The following PHF20 variants were observed in gnomAD, a reference collection of about 807,000 sequenced individuals.
PHF20 encodes PHD finger protein 20, also known as glioma-expressed antigen 2.
Under a neutral mutation model 113.5 loss-of-function variants are expected in PHF20, and 23 were observed. That is an observed-to-expected ratio of 0.20 (90% CI 0.15 to 0.29). The LOEUF is 0.29. Ranked by LOEUF, PHF20 falls within the 10% of genes least tolerant of loss-of-function variation. The pLI, the probability that PHF20 is intolerant of heterozygous loss-of-function variation, is 1.00. For missense variants in PHF20, 943 were observed against 1,219.6 expected (o/e 0.77, Z 3.38); for synonymous variants, 434 against 457.3 (o/e 0.95, Z 0.65).
intron 1 of PHF20, among the ~76,000 whole-genome samples, chr20:35,781,368 G>A (rs948421680): frequency 3.1e-4 from 46 of 149,080 alleles, no homozygotes; most frequent in Admixed American, 7.3e-4. Flanking sequence ...GTCTCCGCCC[G>A]CCTCAGCCTC....
At chr20:35,868,542 G>A (rs1343484816) in intron 6 of PHF20, among the ~76,000 whole-genome samples, 1 of 152,062 alleles carries the variant, frequency 6.6e-6, no homozygotes, top group African/African-American at 2.4e-5. Flanking sequence ...GGAGGCAGAG[G>A]TAGCAGTGAG....
intron 6 of PHF20, among the ~76,000 whole-genome samples, chr20:35,867,803 C>T (rs1319495341): frequency 5.9e-5 from 9 of 151,984 alleles, no homozygotes; most frequent in Admixed American, 5.9e-4. Context: ...TTCTCCCTTC[C>T]CTTCCTCTTT....
chr20:35,861,004 GTGTC>G (rs1169918610), intron 5 of PHF20, among the ~76,000 whole-genome samples: 1 of 152,178 alleles, frequency 6.6e-6, no homozygotes, highest in Non-Finnish European at 1.5e-5. Context: ...TGGCCTCTGA[GTGTC>G]TGACCTTAGC....
chr20:35,858,558 GC>G (rs1232326401), intron 5 of PHF20, among the ~76,000 whole-genome samples, 177 bp downstream of exon 5: 1 of 152,076 alleles, frequency 6.6e-6, no homozygotes, highest in Non-Finnish European at 1.5e-5. Context: ...TTGTCTCTTT[GC>G]TGTTTCCTAT....
chr20:35,808,600 G>T (rs989408029), intron 2 of PHF20, among the ~76,000 whole-genome samples: 8 of 151,836 alleles, frequency 5.3e-5, no homozygotes, highest in African/African-American at 1.9e-4. Context: ...TTGAGACGGA[G>T]TCTCGCCCTG....
At chr20:35,861,723 G>A (rs1183185047) in intron 5 of PHF20, among the ~76,000 whole-genome samples, 1 of 152,158 alleles carries the variant, frequency 6.6e-6, no homozygotes, top group African/African-American at 2.4e-5. Context: ...GGCAATTTCA[G>A]TTTATATTTC....
intron 17 of PHF20, 146 bp from the exon 18 acceptor site, chr20:35,947,334 TGGCCC>T: frequency 4.6e-6 from 3 of 646,498 alleles, no homozygotes; most frequent in South Asian, 4.9e-5. Context: ...CTGGCTGAAA[TGGCCC>T]TTCCTCCCTT....
intron 10 of PHF20, among the ~76,000 whole-genome samples, chr20:35,907,692 G>T (rs1187144196): frequency 2.6e-5 from 4 of 152,124 alleles, no homozygotes; most frequent in Non-Finnish European, 5.9e-5. Flanking sequence ...ATTCCACTGT[G>T]GTCTCAGAGT....
In PHF20 at chr20:35,858,370, T is replaced by C; in HGVS notation, c.409T>C (p.Ser137Pro). 2 of 1,582,594 alleles carry C rather than the reference T, an allele frequency of 1.3e-6. No individual in the cohort carries two copies. The highest frequency in any genetic ancestry group is 1.3e-5 in the African/African-American group (1 of 74,444). Residue 137 changes from serine to proline, a missense_variant, in exon 5 of 18, where the codon TCC becomes CCC. By Grantham distance (74) the Ser-to-Pro change is moderately conservative. Coordinates refer to ENST00000374012, the MANE Select transcript of PHF20 (RefSeq NM_016436.5). The stretch of plus-strand genomic sequence containing the variant: ...CAAACATATTCATGTCAAAGCTTTT[T>C]CCAAAGATCAGGTGAGAAATGTGGT... ...TVKHIHVKAF[S>P]KDQNIVGNAR...
At chr20:35,863,742 A>G (rs947027087) in intron 6 of PHF20, among the ~76,000 whole-genome samples, 1 of 152,214 alleles carries the variant, frequency 6.6e-6, no homozygotes, top group Non-Finnish European at 1.5e-5. Context: ...AGAATCTAGA[A>G]TCAGGAAATA....
intron 1 of PHF20, among the ~76,000 whole-genome samples, chr20:35,788,660 C>T (rs770933307): frequency 1.3e-5 from 2 of 152,136 alleles, no homozygotes; most frequent in African/African-American, 2.4e-5. Context: ...TCACTGCAAC[C>T]TCCACCTCCC....
intron 9 of PHF20, among the ~76,000 whole-genome samples, chr20:35,892,148 C>T (rs1162637610): frequency 1.3e-5 from 2 of 151,730 alleles, no homozygotes; most frequent in Non-Finnish European, 2.9e-5. Flanking sequence ...ACCTTTGCCT[C>T]CCAGGTTCAA....
chr20:35,798,498 A>G (rs2041713355), intron 1 of PHF20, among the ~76,000 whole-genome samples: 1 of 151,302 alleles, frequency 6.6e-6, no homozygotes, highest in South Asian at 2.1e-4. Context: ...CTTGTTGCCC[A>G]GGCTAGAATG....
chr20:35,861,022 G>A (rs2054209713), intron 5 of PHF20, among the ~76,000 whole-genome samples: 1 of 152,156 alleles, frequency 6.6e-6, no homozygotes, highest in Non-Finnish European at 1.5e-5. Flanking sequence ...CCTTAGCCCG[G>A]TAGGCCCTTA....
At chr20:35,853,276 G>C (rs1190665126) in intron 4 of PHF20, 1 of 151,496 alleles carries the variant, frequency 6.6e-6, no homozygotes, top group Non-Finnish European at 1.5e-5. Flanking sequence ...AAGCAGTTGT[G>C]AGAAGAAAGG....
chr20:35,863,617 T>C (rs1297158878), intron 6 of PHF20, among the ~76,000 whole-genome samples: 1 of 152,258 alleles, frequency 6.6e-6, no homozygotes, highest in Admixed American at 6.5e-5. Context: ...TAACTGAGTT[T>C]GCTAAAGTAG....
intron 1 of PHF20, 77 bp from the exon 2 acceptor site, chr20:35,801,414 T>G: frequency 2.9e-6 from 2 of 683,772 alleles, no homozygotes; most frequent in South Asian, 3.6e-5. Context: ...ATGCCTGTTT[T>G]TTTATGTGTA....
At chr20:35,873,266 A>G (rs1021458122) in intron 9 of PHF20, among the ~76,000 whole-genome samples, 2 of 151,410 alleles carry the variant, frequency 1.3e-5, no homozygotes, top group African/African-American at 2.4e-5. Context: ...ACGCCCAGCT[A>G]ATTTTTGTAT....
intron 2 of PHF20, among the ~76,000 whole-genome samples, chr20:35,839,346 G>C (rs1000295355): frequency 2.7e-5 from 4 of 147,392 alleles, no homozygotes; most frequent in Non-Finnish European, 5.9e-5. Context: ...AGCTAAGATC[G>C]TGCCACTGCA....
Sources: gnomAD v4.1 joint callset for allele counts (sites outside exome capture counted in the v4.1 genomes callset) on GRCh38, gnomAD v4.1.1 for gene constraint, MANE v1.5 for transcripts, NCBI Gene and HGNC (gene_info 2026-07-23, HGNC 2026-07-21) for gene names.